NSUN3: variants seen among roughly 807,000 people sequenced by gnomAD.
NSUN3 encodes the protein tRNA (cytosine(34)-C(5))-methyltransferase, mitochondrial.
Under a neutral mutation model 36.8 loss-of-function variants are expected in NSUN3, and 24 were observed. The ratio of observed to expected loss-of-function variants is 0.65; its 90% confidence interval spans 0.47 to 0.92. The LOEUF (loss-of-function observed/expected upper bound fraction) is 0.92, where lower values mean the gene tolerates loss of function less well. NSUN3 is among the 40% of genes least tolerant of loss of function. The probability of loss-of-function intolerance (pLI) is 0.00; values close to 1 mark genes in which losing one functional copy is unlikely to be tolerated. For missense variants in NSUN3, 381 were observed against 392.8 expected, an observed-to-expected ratio of 0.97 and a Z score of 0.25; for synonymous variants, 146 against 145.2, an observed-to-expected ratio of 1.01 and a Z score of -0.04.
At chr3:94,098,285 C>A (rs149483282) in intron 5 of NSUN3, among the ~76,000 whole-genome samples, 38 of 152,262 alleles carry the variant, frequency 2.5e-4, no homozygotes, top group Middle Eastern at 3.4e-3. Flanking sequence ...ATAGCCTAAC[C>A]TAAGCCACCA....
intron 2 of NSUN3, among the ~76,000 whole-genome samples, chr3:94,078,521 A>T (rs1291053306): frequency 1.3e-5 from 2 of 152,126 alleles, no homozygotes; most frequent in Non-Finnish European, 2.9e-5. Flanking sequence ...TGATCTGTCT[A>T]ATATTGACAG....
chr3:94,063,427 T>G (rs1192787433), intron 1 of NSUN3: 4 of 459,060 alleles, frequency 8.7e-6, no homozygotes, highest in African/African-American at 1.9e-5. Flanking sequence ...TAGAACAGTG[T>G]CTGTTACATA....
At position 94,094,164 on chromosome 3, in the gene NSUN3, A is replaced by T. The variant is rs1253348488; in HGVS notation, c.491A>T (p.Asp164Val). Residue 164 changes from aspartate to valine, a missense_variant, in exon 4 of 6, where the codon GAT becomes GTT. Asp to Val is a radical substitution (Grantham distance 152, BLOSUM62 -3). Transcript: ENST00000314622. ...CPGYLHCNEY[D>V]SLRLRWLRQT... ...GGTTATCTTCATTGTAATGAATATG[A>T]TAGTCTGAGATTGAGGTGGCTAAGG... is the stretch of plus-strand genomic sequence containing the variant. The T allele has an allele frequency of 6.2e-7, 1 of 1,611,794 alleles. No homozygotes were observed. The highest frequency in any genetic ancestry group is 2.2e-5 in the East Asian group (1 of 44,758).
chr3:94,094,060 T>C, intron 3 of NSUN3, 80 bp from the exon 4 acceptor site: 1 of 1,014,730 alleles, frequency 9.9e-7, no homozygotes, highest in Admixed American at 3.0e-5. Flanking sequence ...TTAATTTCTT[T>C]CTGAAATTTA....
At chr3:94,104,370 G>T (rs1037625138) in intron 5 of NSUN3, among the ~76,000 whole-genome samples, 19 of 152,244 alleles carry the variant, frequency 1.2e-4, no homozygotes, top group African/African-American at 4.1e-4. Context: ...TAGTGGATAA[G>T]GTCTCTGGTC....
chr3:94,070,343 C>T (rs138275813), intron 2 of NSUN3, among the ~76,000 whole-genome samples: 27 of 152,102 alleles, frequency 1.8e-4, no homozygotes, highest in African/African-American at 6.5e-4. Context: ...TGCCTGTAGG[C>T]GCAACTACTT....
intron 2 of NSUN3, among the ~76,000 whole-genome samples, chr3:94,078,618 C>T (rs557852579): frequency 2.6e-5 from 4 of 152,140 alleles, no homozygotes; most frequent in Non-Finnish European, 4.4e-5. Context: ...AATCTGGATG[C>T]TCCTGTGTTG....
At chr3:94,088,926 C>T (rs1056861604) in intron 3 of NSUN3, among the ~76,000 whole-genome samples, 1 of 152,152 alleles carries the variant, frequency 6.6e-6, no homozygotes, top group Non-Finnish European at 1.5e-5. Context: ...GCCTCGGCCT[C>T]CCAAAGTGCT....
intron 5 of NSUN3, among the ~76,000 whole-genome samples, chr3:94,103,866 T>C (rs1223683268): frequency 9.9e-5 from 15 of 152,190 alleles, no homozygotes; most frequent in Admixed American, 6.5e-4. Flanking sequence ...GAAGGAGTTA[T>C]AGCAGCTGGC....
At chr3:94,117,369 A>G (rs181732729) in intron 5 of NSUN3, among the ~76,000 whole-genome samples, 1 of 152,072 alleles carries the variant, frequency 6.6e-6, no homozygotes, top group Non-Finnish European at 1.5e-5. Context: ...TATGAGATAG[A>G]CCTGAAGTAC....
At chr3:94,116,802 ATACT>A (rs1483449036) in intron 5 of NSUN3, among the ~76,000 whole-genome samples, 2 of 152,132 alleles carry the variant, frequency 1.3e-5, no homozygotes, top group Non-Finnish European at 2.9e-5. Flanking sequence ...AATATAGTAC[ATACT>A]TAATACATGG....
chr3:94,085,946 C>CTT (rs1249632543), intron 3 of NSUN3, among the ~76,000 whole-genome samples: 3 of 137,992 alleles, frequency 2.2e-5, no homozygotes, highest in Admixed American at 7.2e-5. Flanking sequence ...GCAGTGTTGC[C>CTT]TTTTTTTTTT....
chr3:94,068,916 A>G (rs2077215284), intron 2 of NSUN3, among the ~76,000 whole-genome samples: 1 of 152,218 alleles, frequency 6.6e-6, no homozygotes, highest in East Asian at 1.9e-4. Flanking sequence ...ATTGTCCTAT[A>G]TGTTGGCTTT....
chr3:94,109,501 G>A (rs1431566372), intron 5 of NSUN3, among the ~76,000 whole-genome samples: 1 of 152,204 alleles, frequency 6.6e-6, no homozygotes, highest in Non-Finnish European at 1.5e-5. Context: ...TGCTTCTGGT[G>A]GTAGGCTTTA....
chr3:94,103,638 G>T (rs28372461), intron 5 of NSUN3, among the ~76,000 whole-genome samples: 10,553 of 151,820 alleles, frequency 0.07, 781 homozygotes, highest in African/African-American at 0.19. Context: ...ATATACAATT[G>T]ATATCTTTTT....
At position 94,063,084 on chromosome 3, in the gene NSUN3, C is replaced by G; in HGVS notation, c.-43C>G. The stretch of plus-strand genomic sequence containing the variant: ...TCAGTTCCCTGGAGGCTTTTTGATA[C>G]TGATTCGCGTACACCTGTTGTTTGA... On this transcript the variant is annotated 5_prime_UTR_variant, in exon 1 of 6. Transcript: ENST00000314622. The G allele has an allele frequency of 6.2e-7, 1 of 1,613,426 alleles. No homozygotes were observed. The highest frequency in any genetic ancestry group is 1.7e-5 in the Admixed American group (1 of 60,002).
chr3:94,121,538 ATATT>A (rs1361889642), intron 5 of NSUN3, among the ~76,000 whole-genome samples: 1 of 152,090 alleles, frequency 6.6e-6, no homozygotes, highest in East Asian at 1.9e-4. Flanking sequence ...CTACCGCAGG[ATATT>A]TATTATCCCT....
At chr3:94,096,717 C>T (rs1470954488) in intron 5 of NSUN3, among the ~76,000 whole-genome samples, 3 of 152,082 alleles carry the variant, frequency 2.0e-5, no homozygotes, top group Non-Finnish European at 4.4e-5. Context: ...CCAGGCTGGT[C>T]TCGAACTCCT....
At chr3:94,123,147 C>T (rs2077471153) in intron 5 of NSUN3, among the ~76,000 whole-genome samples, 1 of 152,012 alleles carries the variant, frequency 6.6e-6, no homozygotes, top group Admixed American at 6.6e-5. Flanking sequence ...ACTTCTCTCC[C>T]TTCTCCCTTC....
Sources: gnomAD v4.1 joint callset for allele counts (sites outside exome capture counted in the v4.1 genomes callset) on GRCh38, gnomAD v4.1.1 for gene constraint, MANE v1.5 for transcripts, NCBI Gene and HGNC (gene_info 2026-07-23, HGNC 2026-07-21) for gene names.